FGR: variants seen among roughly 807,000 people sequenced by gnomAD.
FGR encodes FGR proto-oncogene, Src family tyrosine kinase.
Under a neutral mutation model 63.2 loss-of-function variants are expected in FGR, and 26 were observed. The ratio of observed to expected loss-of-function variants is 0.41; its 90% CI spans 0.30 to 0.57. The LOEUF (loss-of-function observed/expected upper bound fraction) is 0.57, where lower values mean the gene tolerates loss of function less well. Ranked by LOEUF, FGR falls within the 20% of genes least tolerant of loss-of-function variation. The pLI, the probability that FGR is intolerant of heterozygous loss-of-function variation, is 0.27. For synonymous variants in FGR, 286 were observed against 277.7 expected, an observed-to-expected ratio of 1.03 and a Z score of -0.30; for missense variants, 511 against 690.8, an observed-to-expected ratio of 0.74 and a Z score of 2.92.
At chr1:27,622,435 C>A (rs2089947515) in intron 4 of FGR, among the ~76,000 whole-genome samples, 1 of 151,958 alleles carries the variant, frequency 6.6e-6, no homozygotes, top group African/African-American at 2.4e-5. Context: ...TATTCTCATT[C>A]TCTCTCACTC....
At chr1:27,623,991 C>T (rs2231867) in intron 2 of FGR, 62 bp from the exon 3 acceptor site, 61 of 1,348,146 alleles carry the variant, frequency 4.5e-5, no homozygotes, top group African/African-American at 5.8e-5. Flanking sequence ...TGTGCACACA[C>T]GCGCATGCAC....
In FGR at chr1:27,615,455, C is replaced by T. The variant is rs901527530; in HGVS notation, c.997G>A (p.Val333Met). 2.5e-6 allele frequency: 4 copies of T among 1,602,678 alleles called. No individual in the cohort carries two copies. In the South Asian group the frequency reaches 3.3e-5, roughly 13 times the overall value. ...AVVSEEPIYI[V>M]TEFMCHGSLL... ...TGACCGTGACACATGAACTCGGTCA[C>T]GATGTAGATGGGCTCCTCCGACACC... Residue 333 changes from valine (V) to methionine (M), a missense_variant, in exon 9 of 13, where the codon GTG (valine) becomes ATG (methionine). Coordinates refer to ENST00000374005, the MANE Select transcript of FGR (RefSeq NM_005248.3). The surrounding 1 kb of genome is among the most constrained non-coding windows in gnomAD (Gnocchi z 7.6).
chr1:27,613,714 A>G (rs940297358), intron 11 of FGR, among the ~76,000 whole-genome samples: 1 of 149,790 alleles, frequency 6.7e-6, no homozygotes, highest in Non-Finnish European at 1.5e-5. Flanking sequence ...AAAAAAAAAA[A>G]AAAAGAGACA....
rs1450273958 is a variant in FGR at position 27,616,121 on chromosome 1, T to G, written c.683-277A>C. 6.6e-6 allele frequency among the ~76,000 whole-genome samples: 1 copy of G among 152,134 alleles called. No individual in the cohort carries two copies. Among genetic ancestry groups the G allele is most frequent in the Non-Finnish European group, 1.5e-5 (1 of 67,992 alleles). On this transcript the variant is annotated intron_variant, in intron 7 of 12. Transcript: ENST00000374005. This position sits in a 1 kb window ranked among gnomAD's most constrained non-coding sequence, Gnocchi z 4.3. The stretch of plus-strand genomic sequence containing the variant: ...TAGGAGGTAGCCTCCAGCTGGGCCT[T>G]GAAGGATAAGGTGGGATTCTCACAG...
At position 27,621,404 on chromosome 1, in the gene FGR, A is replaced by G. The variant is rs2231872; in HGVS notation, c.428+155T>C. Among the ~76,000 whole-genome samples the G allele has an allele frequency of 1.9e-3, 286 of 152,340 alleles. 3 individuals are homozygous for G. Among genetic ancestry groups the G allele is most frequent in the African/African-American group, 6.4e-3 (267 of 41,572 alleles). ...TCTATTATCTACTATTATTATTATC[A>G]GTACAATCTTCTTTTGTTCTCACAA... On this transcript the variant is annotated intron_variant, in intron 5 of 12. Transcript: ENST00000374005.
chr1:27,619,079 AT>A (rs1229721368), intron 5 of FGR, among the ~76,000 whole-genome samples: 2 of 151,906 alleles, frequency 1.3e-5, no homozygotes, highest in Admixed American at 6.5e-5. Flanking sequence ...CTCTTCTCCA[AT>A]GGCTCCTTCT....
chr1:27,633,255 C>T (rs1485684078), intron 1 of FGR, among the ~76,000 whole-genome samples: 4 of 152,118 alleles, frequency 2.6e-5, no homozygotes, highest in African/African-American at 9.7e-5. Context: ...AATTCTGGTC[C>T]CTACTGTTGG....
chr1:27,623,427 G>A (rs1011386024), intron 3 of FGR: 5 of 598,574 alleles, frequency 8.4e-6, no homozygotes, highest in Middle Eastern at 2.7e-4. Context: ...ACCTAAAAGG[G>A]CAAGAAGTTT....
chr1:27,619,077 C>T (rs1182742076), intron 5 of FGR, among the ~76,000 whole-genome samples: 3 of 152,268 alleles, frequency 2.0e-5, no homozygotes, highest in African/African-American at 7.2e-5. Flanking sequence ...CTCTCTTCTC[C>T]AATGGCTCCT....
At position 27,621,606 on chromosome 1, in the gene FGR, G is replaced by T. The variant is rs1324257162; in HGVS notation, c.381C>A (p.Cys127Ter). 1 of 1,613,958 alleles carries T rather than the reference G, an allele frequency of 6.2e-7. No individual in the cohort carries two copies. The highest frequency in any genetic ancestry group is 2.2e-5 in the East Asian group (1 of 44,870). Reference protein sequence around the residue: ...ARSLSSGKTGCIPSNYVAPVD... With the variant: ...ARSLSSGKTG Reference sequence around the variant, plus strand: ...CAGGGGCCACGTAGTTGCTGGGAATGCAGCCAGTTTTTCCGGAGCTGAGAG... The same window carrying T: ...CAGGGGCCACGTAGTTGCTGGGAATTCAGCCAGTTTTTCCGGAGCTGAGAG... Residue 127 changes from cysteine (C) to a stop codon, truncating the protein, a stop_gained, in exon 5 of 13, where the codon TGC (cysteine) becomes TGA (stop). Coordinates refer to ENST00000374005, the MANE Select transcript of FGR (RefSeq NM_005248.3). LOFTEE classifies it high-confidence loss of function.
Position 27,617,047 on chromosome 1 carries a change from C to T in FGR, c.533-41G>A, listed in dbSNP as rs1250806698. On this transcript the variant is annotated intron_variant, in intron 6 of 12. Transcript: ENST00000374005. This position sits in a 1 kb window ranked among gnomAD's most constrained non-coding sequence, Gnocchi z 4.5. ...CTTTTGATCTGCTGTTCTCCTCTGC[C>T]CTAGTCTGGGAGCTGGGAGAGGCCC... 1 of 1,612,126 alleles carries T rather than the reference C, an allele frequency of 6.2e-7. No homozygotes were observed. Among genetic ancestry groups the T allele is most frequent in the East Asian group, 2.2e-5 (1 of 44,856 alleles).
In FGR at chr1:27,615,896, C is replaced by T. The variant is rs1391844480; in HGVS notation, c.683-52G>A. ...CACAGGTGGGCCAGGACACCCCCCT[C>T]CACTCCTTATCCTATCCCAGCCTGG... is the stretch of plus-strand genomic sequence containing the variant. On this transcript the variant is annotated intron_variant, in intron 7 of 12. Transcript: ENST00000374005. The surrounding 1 kb of genome is among the most constrained non-coding windows in gnomAD (Gnocchi z 7.6). 2 of 1,503,300 alleles carry T rather than the reference C, an allele frequency of 1.3e-6. No homozygotes were observed. Among genetic ancestry groups the T allele is most frequent in the Non-Finnish European group, 9.0e-7 (1 of 1,115,606 alleles). The allele number at this position is 1,503,300 out of a possible 1,614,324, so 93.1% of individuals were successfully genotyped here.
At chr1:27,614,672 C>T in intron 10 of FGR, 89 bp from the exon 11 acceptor site, 1 of 1,500,590 alleles carries the variant, frequency 6.7e-7, no homozygotes, top group Non-Finnish European at 9.1e-7. Context: ...TTTGAAAAAC[C>T]CACTTTCCAG....
intron 5 of FGR, among the ~76,000 whole-genome samples, chr1:27,621,021 A>G (rs1402475263): frequency 4.5e-5 from 5 of 110,130 alleles, no homozygotes; most frequent in Admixed American, 2.6e-4. Context: ...AAAAAAAAAG[A>G]AAGAAAGAAA....
intron 1 of FGR, among the ~76,000 whole-genome samples, chr1:27,628,533 A>G (rs2090058832): frequency 7.0e-6 from 1 of 142,434 alleles, no homozygotes; most frequent in Non-Finnish European, 1.5e-5. Context: ...ACACACACAC[A>G]CACACACACA....
At position 27,612,731 on chromosome 1, in the gene FGR, G is replaced by T; in HGVS notation, c.*183C>A. 1.7e-6 allele frequency: 1 copy of T among 603,714 alleles called. No individual in the cohort carries two copies. The highest frequency in any genetic ancestry group is 2.8e-5 in the East Asian group (1 of 36,012). The allele number at this position is 603,714 out of a possible 1,614,324, so 37.4% of individuals were successfully genotyped here. A position where few individuals can be genotyped will look rare whatever the true frequency, so the allele number is the denominator to read the frequency against. On this transcript the variant is annotated 3_prime_UTR_variant, in exon 13 of 13. Coordinates refer to ENST00000374005, the MANE Select transcript of FGR (RefSeq NM_005248.3). ...CCAGAGCGGATGAGAGATCAGCTCTGGGCCTCCTTTTGCCCCATCTGTAAA... is the reference window on the plus strand; with the variant it reads ...CCAGAGCGGATGAGAGATCAGCTCTTGGCCTCCTTTTGCCCCATCTGTAAA...
chr1:27,621,233 A>G (rs2089919662), intron 5 of FGR, among the ~76,000 whole-genome samples: 1 of 152,124 alleles, frequency 6.6e-6, no homozygotes, highest in Non-Finnish European at 1.5e-5. Flanking sequence ...CATCAGCTCC[A>G]CCACTCACTA....
intron 5 of FGR, among the ~76,000 whole-genome samples, chr1:27,618,778 T>C (rs145178245): frequency 2.6e-5 from 4 of 152,230 alleles, no homozygotes; most frequent in African/African-American, 7.2e-5. Context: ...ATTTCTCCCT[T>C]CCCCAAAGGA....
rs1375067269 is a variant in FGR, at chr1:27,624,145, C to T, written c.-13-216G>A. On this transcript the variant is annotated intron_variant, in intron 2 of 12. Transcript: ENST00000374005. ...TATGTCCCCCCTCAGTGCTTCTCTT[C>T]CCATTGGCTCATGTCTATATCTCTG... 3 of 503,098 alleles carry T rather than the reference C, an allele frequency of 6.0e-6. No homozygotes were observed. In the Admixed American group the frequency reaches 1.1e-4, roughly 19 times the overall value. 31.2% of individuals were successfully genotyped at this position (503,098 alleles called of 1,614,324 possible).
Sources: allele counts gnomAD v4.1 joint callset (sites outside exome capture counted in the v4.1 genomes callset), GRCh38; gene constraint gnomAD v4.1.1; non-coding constraint Gnocchi (gnomAD v3.1); transcripts MANE v1.5; gene names NCBI Gene and HGNC (gene_info 2026-07-23, HGNC 2026-07-21).